Variants in BTRC observed in about 807,000 individuals in gnomAD.
BTRC encodes the protein beta-transducin repeat containing E3 ubiquitin protein ligase.
In BTRC, 42 loss-of-function variants were observed where a neutral mutation model predicts 85.5. That is an observed-to-expected ratio of 0.49 (90% CI 0.38 to 0.64). The LOEUF (loss-of-function observed/expected upper bound fraction) is 0.64. BTRC is among the 30% of genes least tolerant of loss of function. The pLI is 0.00. For synonymous variants in BTRC, 255 were observed against 263.3 expected, an observed-to-expected ratio of 0.97 and a Z score of 0.30; for missense variants, 594 against 743.5, an observed-to-expected ratio of 0.80 and a Z score of 2.34.
chr10:101,469,848 G>A (rs973737054), intron 3 of BTRC, among the ~76,000 whole-genome samples: 2 of 152,144 alleles, frequency 1.3e-5, no homozygotes, highest in Non-Finnish European at 2.9e-5. Context: ...GTAATGGAAT[G>A]CTATATTTTT....
intron 1 of BTRC, among the ~76,000 whole-genome samples, chr10:101,373,175 A>G (rs1376260236): frequency 6.6e-6 from 1 of 152,234 alleles, no homozygotes; most frequent in East Asian, 1.9e-4. Context: ...TGTACAAGCT[A>G]TAAACATGTG....
chr10:101,427,139 G>GA (rs1944276730), intron 1 of BTRC, among the ~76,000 whole-genome samples: 1 of 108,392 alleles, frequency 9.2e-6, no homozygotes, highest in Non-Finnish European at 1.8e-5. Flanking sequence ...TTTTTTTTGA[G>GA]ACGGAGTCTT....
chr10:101,526,295 AT>A lies in BTRC; in HGVS notation c.743+99del, dbSNP rs1228423368. On this transcript the variant is annotated intron_variant, in intron 6 of 14. Coordinates refer to ENST00000370187, the MANE Select transcript of BTRC (RefSeq NM_033637.4). ...TGGGGAGCCAATGAGACCACTTCTC[AT>A]TTAATATGGTGATTTTGTTGATTTC... is the stretch of plus-strand genomic sequence containing the variant. The A allele has an allele frequency of 2.9e-6, 3 of 1,041,748 alleles. No individual in the cohort carries two copies. The East Asian group carries it at 7.3e-5, about 26-fold the overall frequency. 64.5% of individuals were successfully genotyped at this position (1,041,748 alleles called of 1,614,324 possible).
chr10:101,451,453 A>C (rs370340979), intron 2 of BTRC, among the ~76,000 whole-genome samples: 4 of 152,210 alleles, frequency 2.6e-5, no homozygotes, highest in African/African-American at 7.2e-5. Context: ...GCAGCCATCT[A>C]TCTAGGGAGT....
At chr10:101,535,500 G>A in intron 11 of BTRC, 28 bp downstream of exon 11, 1 of 1,459,758 alleles carries the variant, frequency 6.9e-7, no homozygotes, top group Non-Finnish European at 9.6e-7. Flanking sequence ...TGTATCATAA[G>A]GGATCAATAT....
chr10:101,426,458 G>A (rs538565734), intron 1 of BTRC, among the ~76,000 whole-genome samples: 14 of 152,196 alleles, frequency 9.2e-5, no homozygotes, highest in Admixed American at 2.6e-4. Flanking sequence ...TATATCTAGT[G>A]GCTTTCCTGG....
chr10:101,525,932 T>C, intron 5 of BTRC, 81 bp from the exon 6 acceptor site: 1 of 1,364,006 alleles, frequency 7.3e-7, no homozygotes, highest in Non-Finnish European at 1.0e-6. Context: ...ACAAATGCTG[T>C]TCTGTTTTAA....
At chr10:101,473,731 A>G (rs1046923564) in intron 3 of BTRC, among the ~76,000 whole-genome samples, 2 of 151,544 alleles carry the variant, frequency 1.3e-5, no homozygotes, top group East Asian at 3.9e-4. Context: ...TCGGCCTCCA[A>G]AGTGCTAGGT....
chr10:101,359,449 C>A (rs1942137779), intron 1 of BTRC, among the ~76,000 whole-genome samples: 1 of 151,666 alleles, frequency 6.6e-6, no homozygotes. Flanking sequence ...TCTGAGATAC[C>A]CTGAGTCTCG....
rs1175839384 is a variant in BTRC at position 101,366,892 on chromosome 10, A to G, written c.48+12664A>G. On this transcript the variant is annotated intron_variant, in intron 1 of 14. Transcript: ENST00000370187. ...TTAATATATATTTATATATATTTAT[A>G]TATATTTATATATATTAATATATAT... 6.5e-4 allele frequency among the ~76,000 whole-genome samples: 27 copies of G among 41,498 alleles called. 3 individuals carry two copies. The highest frequency in any genetic ancestry group is 1.5e-3 in the South Asian group (2 of 1,362). 27.2% of individuals were successfully genotyped at this position (41,498 alleles called of 152,430 possible).
intron 9 of BTRC, 114 bp downstream of exon 9, chr10:101,533,184 A>G (rs1348197918): frequency 1.5e-6 from 1 of 652,440 alleles, no homozygotes; most frequent in Non-Finnish European, 2.6e-6. Context: ...AGAAGAATAA[A>G]CCACCAGGTC....
intron 13 of BTRC, among the ~76,000 whole-genome samples, chr10:101,546,530 G>T (rs2062561396): frequency 6.6e-6 from 1 of 152,178 alleles, no homozygotes; most frequent in Non-Finnish European, 1.5e-5. Context: ...ATCAAAATTT[G>T]TGGGATGCAG....
chr10:101,461,849 A>G (rs536385919), intron 2 of BTRC, 132 bp from the exon 3 acceptor site: 2 of 614,416 alleles, frequency 3.3e-6, no homozygotes, highest in South Asian at 2.3e-5. Flanking sequence ...TATGTATACA[A>G]ATCTTCAAGT....
intron 2 of BTRC, among the ~76,000 whole-genome samples, chr10:101,457,467 C>T (rs148701791): frequency 1.5e-3 from 235 of 152,286 alleles, no homozygotes; most frequent in Non-Finnish European, 2.7e-3. Context: ...CAGAAAGGTG[C>T]ACAATTGAAA....
chr10:101,507,609 A>T (rs1254826907), intron 4 of BTRC, among the ~76,000 whole-genome samples: 1 of 152,198 alleles, frequency 6.6e-6, no homozygotes, highest in Non-Finnish European at 1.5e-5. Flanking sequence ...TATTTTACAT[A>T]AGCACTGGGA....
At chr10:101,359,587 C>T (rs1942142031) in intron 1 of BTRC, among the ~76,000 whole-genome samples, 1 of 149,942 alleles carries the variant, frequency 6.7e-6, no homozygotes, top group Admixed American at 6.8e-5. Flanking sequence ...ACCACCTTGC[C>T]TGGCTAATTT....
chr10:101,495,445 C>T (rs746159739), intron 4 of BTRC, among the ~76,000 whole-genome samples: 2 of 152,062 alleles, frequency 1.3e-5, no homozygotes, highest in Non-Finnish European at 2.9e-5. Context: ...TAAAAATCAC[C>T]GTATTGCATT....
At chr10:101,402,170 T>C (rs1943509188) in intron 1 of BTRC, among the ~76,000 whole-genome samples, 1 of 152,230 alleles carries the variant, frequency 6.6e-6, no homozygotes, top group South Asian at 2.1e-4. Context: ...CTACTTCATA[T>C]CTGATAAATC....
chr10:101,442,006 G>T (rs749433377), intron 2 of BTRC, among the ~76,000 whole-genome samples: 40 of 151,698 alleles, frequency 2.6e-4, no homozygotes, highest in Non-Finnish European at 1.6e-4. Flanking sequence ...TGATTTGAAT[G>T]ATGGAAAAAT....
Sources: allele counts gnomAD v4.1 joint callset (sites outside exome capture counted in the v4.1 genomes callset), GRCh38; gene constraint gnomAD v4.1.1; transcripts MANE v1.5; gene names NCBI Gene and HGNC (gene_info 2026-07-23, HGNC 2026-07-21).